Variants in LDB2 observed in about 807,000 individuals in gnomAD.
LDB2 encodes the protein LIM domain binding 2, also known as LIM domain-binding protein 2.
Under a neutral mutation model 44.3 loss-of-function variants are expected in LDB2, and 12 were observed. That is an observed-to-expected ratio of 0.27 (90% CI 0.17 to 0.44). LDB2 has a LOEUF of 0.44. Ranked by LOEUF, LDB2 falls within the 20% of genes least tolerant of loss-of-function variation. LDB2 has a pLI of 1.00. For synonymous variants in LDB2, 164 were observed against 174.8 expected, an observed-to-expected ratio of 0.94 and a Z score of 0.49; for missense variants, 344 against 473.5, an observed-to-expected ratio of 0.73 and a Z score of 2.54.
At chr4:16,792,502 A>G (rs1480571649) in intron 1 of LDB2, among the ~76,000 whole-genome samples, 2 of 152,202 alleles carry the variant, frequency 1.3e-5, no homozygotes, top group Non-Finnish European at 2.9e-5. Flanking sequence ...TCTAATGTAG[A>G]TGAAAGTGTC....
At chr4:16,718,807 C>G (rs187495438) in intron 2 of LDB2, among the ~76,000 whole-genome samples, 2 of 152,146 alleles carry the variant, frequency 1.3e-5, no homozygotes, top group East Asian at 3.9e-4. Flanking sequence ...TATTGACATC[C>G]CATGGAAATA....
At chr4:16,788,086 TG>T (rs1271922988) in intron 1 of LDB2, among the ~76,000 whole-genome samples, 2 of 152,234 alleles carry the variant, frequency 1.3e-5, no homozygotes, top group Admixed American at 6.5e-5. Context: ...CTCTGCCAGA[TG>T]GGCATTCCCT....
At chr4:16,684,930 G>T (rs1299171396) in intron 2 of LDB2, among the ~76,000 whole-genome samples, 2 of 152,156 alleles carry the variant, frequency 1.3e-5, no homozygotes, top group Non-Finnish European at 2.9e-5. Context: ...GTAAATAAAT[G>T]GGCATGGCTG....
At chr4:16,722,884 A>AT (rs1458887596) in intron 2 of LDB2, among the ~76,000 whole-genome samples, 3 of 152,238 alleles carry the variant, frequency 2.0e-5, no homozygotes, top group Admixed American at 1.3e-4. Context: ...TCCACTTATG[A>AT]TTTTTTGACT....
At chr4:16,693,347 C>CTTTTTTTTT (rs71181181) in intron 2 of LDB2, among the ~76,000 whole-genome samples, 3 of 112,122 alleles carry the variant, frequency 2.7e-5, no homozygotes, top group African/African-American at 3.5e-5. Context: ...AGCAATAGTT[C>CTTTTTTTTT]TTTTTTTTTT....
chr4:16,552,879 C>G (rs1738163397), intron 5 of LDB2, among the ~76,000 whole-genome samples: 1 of 152,198 alleles, frequency 6.6e-6, no homozygotes, highest in South Asian at 2.1e-4. Flanking sequence ...AGGGACCTAT[C>G]TAAGTAAACA....
chr4:16,820,376 A>G (rs1320859736), intron 1 of LDB2, among the ~76,000 whole-genome samples: 1 of 152,110 alleles, frequency 6.6e-6, no homozygotes, highest in Non-Finnish European at 1.5e-5. Context: ...GGTTCCCTGG[A>G]GTTTACAGCT....
rs534102954 is a variant in LDB2 at position 16,800,738 on chromosome 4, A to T, written c.133-41478T>A. 8.5e-5 allele frequency among the ~76,000 whole-genome samples: 13 copies of T among 152,278 alleles called. No homozygotes were observed. The South Asian group carries it at 2.3e-3, about 27-fold the overall frequency. Reference sequence around the variant, plus strand: ...CGCCCAGGCTGGAGTGCAGTGGCGCAATCTCGGCTCACTGCCAGCTCCGCC... The same window carrying T: ...CGCCCAGGCTGGAGTGCAGTGGCGCTATCTCGGCTCACTGCCAGCTCCGCC... On this transcript the variant is annotated intron_variant, in intron 1 of 7. Coordinates refer to ENST00000304523, the MANE Select transcript of LDB2 (RefSeq NM_001290.5).
At chr4:16,522,729 ACT>A (rs370781052) in intron 5 of LDB2, among the ~76,000 whole-genome samples, 86 of 152,218 alleles carry the variant, frequency 5.6e-4, no homozygotes, top group African/African-American at 1.8e-3. Flanking sequence ...AATATTGGTC[ACT>A]CTGTCTATGG....
intron 2 of LDB2, among the ~76,000 whole-genome samples, chr4:16,666,407 C>T (rs1440609919): frequency 6.6e-6 from 1 of 152,200 alleles, no homozygotes; most frequent in Admixed American, 6.5e-5. Context: ...CTGCAGCTGT[C>T]CTCCAAACTG....
chr4:16,773,892 T>G (rs1771260489), intron 1 of LDB2, among the ~76,000 whole-genome samples: 1 of 150,922 alleles, frequency 6.6e-6, no homozygotes, highest in Non-Finnish European at 1.5e-5. Flanking sequence ...CGGTGGATCA[T>G]GCCTGTAATC....
chr4:16,578,089 A>G (rs1381352607), intron 5 of LDB2, among the ~76,000 whole-genome samples: 1 of 152,188 alleles, frequency 6.6e-6, no homozygotes, highest in African/African-American at 2.4e-5. Context: ...AATTAAATTT[A>G]AGCTCTCAAA....
chr4:16,584,273 TGG>T (rs1715918613), intron 5 of LDB2, among the ~76,000 whole-genome samples: 1 of 152,226 alleles, frequency 6.6e-6, no homozygotes, highest in African/African-American at 2.4e-5. Flanking sequence ...ATATTATTTT[TGG>T]CAAAGTGAAT....
intron 2 of LDB2, among the ~76,000 whole-genome samples, chr4:16,670,752 G>T (rs1166119885): frequency 6.6e-6 from 1 of 152,150 alleles, no homozygotes; most frequent in Middle Eastern, 3.2e-3. Flanking sequence ...AATAGTACTT[G>T]CCTGAAAAAG....
intron 1 of LDB2, among the ~76,000 whole-genome samples, chr4:16,792,375 T>C (rs1335835217): frequency 2.6e-5 from 4 of 152,228 alleles, no homozygotes; most frequent in Non-Finnish European, 5.9e-5. Context: ...TACTGATTTG[T>C]CTCTTTAATT....
At chr4:16,594,515 G>A (rs1011364608) in intron 3 of LDB2, among the ~76,000 whole-genome samples, 7 of 152,068 alleles carry the variant, frequency 4.6e-5, no homozygotes, top group Non-Finnish European at 5.9e-5. Flanking sequence ...AAAAGTCTAC[G>A]GACAAAATTA....
At chr4:16,563,132 G>C (rs1244881085) in intron 5 of LDB2, among the ~76,000 whole-genome samples, 1 of 151,408 alleles carries the variant, frequency 6.6e-6, no homozygotes, top group East Asian at 1.9e-4. Flanking sequence ...CGAGTTAATG[G>C]GTGCAGCACA....
intron 1 of LDB2, among the ~76,000 whole-genome samples, chr4:16,896,208 T>G (rs947127109): frequency 1.3e-5 from 2 of 152,216 alleles, no homozygotes; most frequent in Non-Finnish European, 2.9e-5. Flanking sequence ...CTTCTCTTGG[T>G]TCTTGAGCTA....
At chr4:16,666,786 G>A (rs1430246076) in intron 2 of LDB2, among the ~76,000 whole-genome samples, 3 of 152,334 alleles carry the variant, frequency 2.0e-5, no homozygotes, top group Non-Finnish European at 4.4e-5. Context: ...CAGTCCAAAA[G>A]TGACAGTGCA....
Sources: gnomAD v4.1 joint callset for allele counts (sites outside exome capture counted in the v4.1 genomes callset) on GRCh38, gnomAD v4.1.1 for gene constraint, MANE v1.5 for transcripts, NCBI Gene and HGNC (gene_info 2026-07-23, HGNC 2026-07-21) for gene names.